Variants in PKN2 observed in about 807,000 individuals in gnomAD.
PKN2 encodes the protein serine/threonine-protein kinase N2.
PKN2 carries 38 observed loss-of-function variants against 119.1 expected under a neutral mutation model. That is an observed-to-expected ratio of 0.32 (90% CI 0.25 to 0.42). PKN2 has a LOEUF of 0.42. Among genes scored for constraint, PKN2 ranks in the 10% least tolerant of loss-of-function variants. The pLI is 1.00. For synonymous variants in PKN2, 390 were observed against 384.9 expected (o/e 1.01, Z -0.15); for missense variants, 850 against 1,165.1 (o/e 0.73, Z 3.94).
chr1:88,781,592 T>C (rs1410099037), intron 6 of PKN2, among the ~76,000 whole-genome samples: 2 of 152,154 alleles, frequency 1.3e-5, no homozygotes, highest in East Asian at 3.8e-4. Flanking sequence ...ATTTCTAATG[T>C]GTTTATATGC....
rs1396994562 is a variant in PKN2 at position 88,833,475 on chromosome 1, G to T, written c.*27G>T. ...TTGCTAGACACTGCGAAACCAAGCT[G>T]ACTCACAAGAAGACCTCTTAAAAAT... On this transcript the variant is annotated 3_prime_UTR_variant, in exon 22 of 22. Transcript: ENST00000370521. 6.3e-7 allele frequency: 1 copy of T among 1,583,188 alleles called. No homozygotes were observed. The highest frequency in any genetic ancestry group is 2.2e-5 in the East Asian group (1 of 44,648).
chr1:88,805,790 T>C (rs1570658426), intron 11 of PKN2, 101 bp from the exon 12 acceptor site: 1 of 1,604,246 alleles, frequency 6.2e-7, no homozygotes, highest in East Asian at 2.2e-5. Flanking sequence ...GAAAGTAGTG[T>C]TCTGTTTACT....
Position 88,833,551 on chromosome 1 carries a change from T to G in PKN2, c.*103T>G. Reference sequence around the variant, plus strand: ...CCACCAATAGCTTCTGAGTTTTTTGTTGTTGTTGTTTTTATTGAAACACGT... The same window carrying G: ...CCACCAATAGCTTCTGAGTTTTTTGGTGTTGTTGTTTTTATTGAAACACGT... On this transcript the variant is annotated 3_prime_UTR_variant, in exon 22 of 22. Transcript: ENST00000370521. 1.2e-6 allele frequency: 1 copy of G among 825,164 alleles called. No individual in the cohort carries two copies. The highest frequency in any genetic ancestry group is 2.6e-5 in the Admixed American group (1 of 38,662). 51.1% of individuals were successfully genotyped at this position (825,164 alleles called of 1,614,324 possible).
At chr1:88,699,507 G>T (rs1226258971) in intron 1 of PKN2, among the ~76,000 whole-genome samples, 1 of 152,104 alleles carries the variant, frequency 6.6e-6, no homozygotes, top group East Asian at 1.9e-4. Flanking sequence ...TTGCTGCGCA[G>T]ATCATCCCAT....
chr1:88,808,942 A>G (rs1671671629), intron 15 of PKN2, among the ~76,000 whole-genome samples: 1 of 152,172 alleles, frequency 6.6e-6, no homozygotes, highest in Admixed American at 6.5e-5. Context: ...GTTAACTCAT[A>G]TATTTAAAAA....
chr1:88,767,149 G>T (rs905035676), intron 3 of PKN2, among the ~76,000 whole-genome samples: 1 of 152,096 alleles, frequency 6.6e-6, no homozygotes, highest in South Asian at 2.1e-4. Flanking sequence ...TATTTTTATT[G>T]TCCTAAAAGA....
intron 4 of PKN2, among the ~76,000 whole-genome samples, chr1:88,771,073 T>G (rs2100802010): frequency 6.6e-6 from 1 of 152,150 alleles, no homozygotes; most frequent in South Asian, 2.1e-4. Context: ...ATGGCTTTGT[T>G]TTCTTTTGTT....
rs1672661893 is a variant in PKN2, at chr1:88,829,800, GAAGAAGT to G, written c.2562+1178_2562+1184del. Among the ~76,000 whole-genome samples, 4 of 152,302 alleles carry G rather than the reference GAAGAAGT, an allele frequency of 2.6e-5. No homozygotes were observed. In the South Asian group the frequency reaches 8.3e-4, roughly 32 times the overall value. On this transcript the variant is annotated intron_variant, in intron 19 of 21. Coordinates refer to ENST00000370521, the MANE Select transcript of PKN2 (RefSeq NM_006256.4). ...ACCTCCCTTGTACACTTGTAAGTTTGAAGAAGTTAGTGCTGAATGAACAAATTATCAA... is the reference window on the plus strand; with the variant it reads ...ACCTCCCTTGTACACTTGTAAGTTTGTAGTGCTGAATGAACAAATTATCAA...
chr1:88,766,000 G>T (rs1405125791), intron 3 of PKN2, among the ~76,000 whole-genome samples: 2 of 152,020 alleles, frequency 1.3e-5, no homozygotes, highest in Non-Finnish European at 2.9e-5. Context: ...TTTGGTAGAG[G>T]CAGGGTTTCA....
chr1:88,719,405 A>G (rs1287455172), intron 1 of PKN2, among the ~76,000 whole-genome samples: 1 of 152,188 alleles, frequency 6.6e-6, no homozygotes, highest in Non-Finnish European at 1.5e-5. Context: ...AAAACAAAAC[A>G]TTTAATGAGA....
At chr1:88,750,086 G>GT (rs1668927513) in intron 2 of PKN2, among the ~76,000 whole-genome samples, 1 of 152,182 alleles carries the variant, frequency 6.6e-6, no homozygotes, top group Non-Finnish European at 1.5e-5. Context: ...GAATGAGAGG[G>GT]ACAGACAATA....
chr1:88,743,247 G>A (rs2100749091), intron 2 of PKN2, among the ~76,000 whole-genome samples: 1 of 152,242 alleles, frequency 6.6e-6, no homozygotes, highest in South Asian at 2.1e-4. Flanking sequence ...CGTATTTTAA[G>A]TACATGATTT....
chr1:88,746,507 AT>A (rs1391225192), intron 2 of PKN2, among the ~76,000 whole-genome samples: 1 of 151,984 alleles, frequency 6.6e-6, no homozygotes, highest in Middle Eastern at 3.4e-3. Context: ...TATGAAAAAA[AT>A]GATCAGTATC....
chr1:88,823,169 G>A (rs1021603138), intron 17 of PKN2, among the ~76,000 whole-genome samples: 4 of 152,076 alleles, frequency 2.6e-5, no homozygotes, highest in Non-Finnish European at 4.4e-5. Context: ...GCAGTGAGCC[G>A]TGATTATGCC....
chr1:88,776,174 C>T (rs910860187), intron 6 of PKN2, among the ~76,000 whole-genome samples: 1 of 150,244 alleles, frequency 6.7e-6, no homozygotes, highest in African/African-American at 2.5e-5. Flanking sequence ...CGTTTGTCTT[C>T]CTTTTTTCCT....
In PKN2 at chr1:88,760,257, C is replaced by G. The variant is rs1298647721; in HGVS notation, c.385C>G (p.Pro129Ala). The change falls in exon 3 of 22, where the codon CCT becomes GCT. Residue 129 changes from proline (P) to alanine (A), a missense_variant. Around this residue, in one of 9 missense-constraint regions of PKN2, gnomAD observed 350 missense variants for 511.1 expected, o/e 0.68. Transcript: ENST00000370521. ...GACTCCAGATACTCCAAATAATGACCCTCGTTGTTCTACTAGCAACAATAG... is the reference window on the plus strand; with the variant it reads ...GACTCCAGATACTCCAAATAATGACGCTCGTTGTTCTACTAGCAACAATAG... Reference protein sequence around the residue: ...PRTPDTPNNDPRCSTSNNRLK... With the variant: ...PRTPDTPNNDARCSTSNNRLK... The G allele has an allele frequency of 1.3e-6, 2 of 1,575,210 alleles. No homozygotes were observed. The highest frequency in any genetic ancestry group is 1.4e-5 in the African/African-American group (1 of 73,288).
At chr1:88,803,124 T>G (rs1371234624) in intron 8 of PKN2, among the ~76,000 whole-genome samples, 1 of 152,142 alleles carries the variant, frequency 6.6e-6, no homozygotes, top group Admixed American at 6.5e-5. Flanking sequence ...TCTCCCATAT[T>G]AATTATGAGT....
chr1:88,825,278 A>G (rs767187583), intron 18 of PKN2, among the ~76,000 whole-genome samples: 2 of 152,130 alleles, frequency 1.3e-5, no homozygotes, highest in Non-Finnish European at 2.9e-5. Flanking sequence ...GTTTCTCAGC[A>G]TCTCTCCTTA....
At chr1:88,817,741 A>G (rs1672064747) in intron 16 of PKN2, among the ~76,000 whole-genome samples, 1 of 151,958 alleles carries the variant, frequency 6.6e-6, no homozygotes, top group Non-Finnish European at 1.5e-5. Flanking sequence ...AAGGCCTTCG[A>G]TAAAATTCAA....
Sources: gnomAD v4.1 joint callset for allele counts (sites outside exome capture counted in the v4.1 genomes callset) on GRCh38, gnomAD v4.1.1 for gene constraint, gnomAD v4.1.1 regional missense constraint, MANE v1.5 for transcripts, NCBI Gene and HGNC (gene_info 2026-07-23, HGNC 2026-07-21) for gene names.